Variants in KCNQ2 observed in about 807,000 individuals in gnomAD.
KCNQ2 encodes the protein potassium voltage-gated channel subfamily Q member 2, also known as potassium voltage-gated channel subfamily KQT member 2.
KCNQ2 carries 14 observed loss-of-function variants against 84.8 expected under a neutral mutation model. The observed-to-expected ratio is 0.17, with a 90% CI of 0.11 to 0.26. KCNQ2 has a LOEUF of 0.26. KCNQ2 is among the 10% of genes least tolerant of loss of function. The pLI, the probability that KCNQ2 is intolerant of heterozygous loss-of-function variation, is 1.00. For synonymous variants in KCNQ2, 599 were observed against 554.1 expected (o/e 1.08, Z -1.14); for missense variants, 788 against 1,254.0 (o/e 0.63, Z 5.61).
chr20:63,408,797 T>G lies in KCNQ2; in HGVS notation c.1764-261A>C, dbSNP rs2080026095. Among the ~76,000 whole-genome samples the G allele has an allele frequency of 6.6e-6, 1 of 152,052 alleles. No individual in the cohort carries two copies. Among genetic ancestry groups the G allele is most frequent in the Non-Finnish European group, 1.5e-5 (1 of 68,008 alleles). ...TTAGCGAGGAGTAAAGTAAGGACGCTCCCACCAGGGCCGAGTCGCCCGGCT... is the reference window on the plus strand; with the variant it reads ...TTAGCGAGGAGTAAAGTAAGGACGCGCCCACCAGGGCCGAGTCGCCCGGCT... On this transcript the variant is annotated intron_variant, in intron 15 of 16. Coordinates refer to ENST00000359125, the MANE Select transcript of KCNQ2 (RefSeq NM_172107.4). This position sits in a 1 kb window ranked among gnomAD's most constrained non-coding sequence, Gnocchi z 5.0.
Position 63,438,601 on chromosome 20 carries a change from TC to T in KCNQ2, c.1023+23del. On this transcript the variant is annotated intron_variant, in intron 7 of 16. Transcript: ENST00000359125. The surrounding 1 kb of genome is among the most constrained non-coding windows in gnomAD (Gnocchi z 5.1). ...GGGACCAGGACAAGGGCTGTGCTGG[TC>T]CCCGGGGGACACCTGGACTCACCTG... 6.2e-7 allele frequency: 1 copy of T among 1,602,860 alleles called. No homozygotes were observed. Among genetic ancestry groups the T allele is most frequent in the Non-Finnish European group, 8.5e-7 (1 of 1,170,524 alleles).
At chr20:63,409,228 ATG>A (rs751214498) in intron 15 of KCNQ2, among the ~76,000 whole-genome samples, 56 of 152,320 alleles carry the variant, frequency 3.7e-4, no homozygotes, top group Middle Eastern at 3.4e-3. Context: ...CTCGATGTGC[ATG>A]TGTGTGCCCT....
At chr20:63,426,987 G>T (rs190392379) in intron 10 of KCNQ2, among the ~76,000 whole-genome samples, 10 of 152,208 alleles carry the variant, frequency 6.6e-5, no homozygotes, top group Non-Finnish European at 1.5e-4. Context: ...TTGGGAGGCC[G>T]AGACGGGCAG....
intron 4 of KCNQ2, among the ~76,000 whole-genome samples, chr20:63,443,325 CCATCACCAT>C (rs2081299730): frequency 5.8e-5 from 1 of 17,356 alleles, no homozygotes; most frequent in Non-Finnish European, 1.4e-4. Flanking sequence ...ACCACCACCA[CCATCACCAT>C]CACCACCATC....
intron 12 of KCNQ2, among the ~76,000 whole-genome samples, chr20:63,417,234 A>G (rs2080324917): frequency 6.6e-6 from 1 of 152,170 alleles, no homozygotes; most frequent in Non-Finnish European, 1.5e-5. Context: ...GGAGAACCGG[A>G]CGGGGGCCAG....
chr20:63,450,534 G>T (rs111490017), intron 1 of KCNQ2, among the ~76,000 whole-genome samples: 202 of 1,216 alleles, frequency 0.17, no homozygotes, highest in South Asian at 0.2. Context: ...AGACCTGCTG[G>T]GGGGTGGGGG....
chr20:63,470,930 G>A (rs2082199893), intron 1 of KCNQ2: 1 of 152,230 alleles, frequency 6.6e-6, no homozygotes, highest in Non-Finnish European at 1.5e-5. Context: ...GGGAGTCCCA[G>A]GCTGGGTGCC....
chr20:63,445,349 C>A lies in KCNQ2; in HGVS notation c.403G>T (p.Val135Leu), dbSNP rs775649577. 1.2e-6 allele frequency: 2 copies of A among 1,613,736 alleles called. No individual in the cohort carries two copies. The highest frequency in any genetic ancestry group is 1.7e-6 in the Non-Finnish European group (2 of 1,179,928). Residue 135 changes from valine to leucine, a missense_variant, in exon 3 of 17, where the codon GTG becomes TTG. By Grantham distance (32) the Val-to-Leu change is conservative (BLOSUM62 1). Coordinates refer to ENST00000359125, the MANE Select transcript of KCNQ2 (RefSeq NM_172107.4). The stretch of plus-strand genomic sequence containing the variant: ...ACGAAGTACTCCACGCCAAACACCA[C>A]GATAGTCACGATTTCCTGCAGGGGA... Reference protein sequence around the residue: ...ALYILEIVTIVVFGVEYFVRI... With the variant: ...ALYILEIVTILVFGVEYFVRI...
At position 63,400,741 on chromosome 20, in the gene KCNQ2, G is replaced by C. The variant is rs2079792417; in HGVS notation, c.*5903C>G. ...GCACACGTGGGCCGTGTGGATCCCG[G>C]GCAGAGGGATGGCGTCCAGCGGGAC... On this transcript the variant is annotated 3_prime_UTR_variant, in exon 17 of 17. Coordinates refer to ENST00000359125, the MANE Select transcript of KCNQ2 (RefSeq NM_172107.4). The surrounding 1 kb of genome is among the most constrained non-coding windows in gnomAD (Gnocchi z 8.7). The C allele has an allele frequency of 7.5e-6, 3 of 398,498 alleles. No homozygotes were observed. The highest frequency in any genetic ancestry group is 1.3e-5 in the Non-Finnish European group (3 of 225,986). The allele number at this position is 398,498 out of a possible 1,614,324, so 24.7% of individuals were successfully genotyped here.
At chr20:63,449,809 G>A (rs541786629) in intron 1 of KCNQ2, among the ~76,000 whole-genome samples, 5 of 151,986 alleles carry the variant, frequency 3.3e-5, no homozygotes, top group African/African-American at 1.2e-4. Flanking sequence ...GAAGGACAGG[G>A]CCAGGCCATC....
chr20:63,457,313 C>G (rs1056481243), intron 1 of KCNQ2, among the ~76,000 whole-genome samples: 1 of 152,246 alleles, frequency 6.6e-6, no homozygotes, highest in Non-Finnish European at 1.5e-5. Context: ...GCAGCACCCA[C>G]CTGAGCCTAA....
At chr20:63,429,620 A>T (rs1489059709) in intron 9 of KCNQ2, among the ~76,000 whole-genome samples, 1 of 152,152 alleles carries the variant, frequency 6.6e-6, no homozygotes, top group East Asian at 1.9e-4. Context: ...CCAGATGGGC[A>T]TCCTTGCCAC....
rs764404303 is a variant in KCNQ2, at chr20:63,439,625, G to A, written c.900C>T (p.Ile300=). ...CAGGCAGCGCGAAGAAGGAGACACCGATGAGGGTGAAGGTTGCCGCAAGGA... is the reference window on the plus strand; with the variant it reads ...CAGGCAGCGCGAAGAAGGAGACACCAATGAGGGTGAAGGTTGCCGCAAGGA... ...GRLLAATFTL[I]GVSFFALPAG... is the part of the protein sequence containing the mutation. Residue 300 remains isoleucine (I), a synonymous_variant, in exon 6 of 17, where the codon ATC becomes ATT. Transcript: ENST00000359125. The A allele has an allele frequency of 2.3e-5, 37 of 1,613,384 alleles. No individual in the cohort carries two copies. Among genetic ancestry groups the A allele is most frequent in the Admixed American group, 2.0e-4 (12 of 60,010 alleles).
At chr20:63,456,568 T>C (rs1470069478) in intron 1 of KCNQ2, among the ~76,000 whole-genome samples, 5 of 152,036 alleles carry the variant, frequency 3.3e-5, no homozygotes, top group Admixed American at 6.5e-5. Flanking sequence ...AGAGCCAGGG[T>C]TGGGTCAGGA....
In KCNQ2 at chr20:63,402,494, G is replaced by A. The variant is rs892827705; in HGVS notation, c.*4150C>T. 6.6e-6 allele frequency: 1 copy of A among 152,394 alleles called. No individual in the cohort carries two copies. The highest frequency in any genetic ancestry group is 1.5e-5 in the Non-Finnish European group (1 of 68,144). The allele number at this position is 152,394 out of a possible 1,614,324, so 9.4% of individuals were successfully genotyped here. ...GAGCCCAGCTCTTTCTAGAGAGAAG[G>A]GGGTGTCCTTTATGGGGGTCCCTGA... On this transcript the variant is annotated 3_prime_UTR_variant, in exon 17 of 17. Coordinates refer to ENST00000359125, the MANE Select transcript of KCNQ2 (RefSeq NM_172107.4).
chr20:63,417,900 CCAGA>C (rs1722734030), intron 12 of KCNQ2, among the ~76,000 whole-genome samples: 1 of 152,178 alleles, frequency 6.6e-6, no homozygotes. Flanking sequence ...GTGTACTGCC[CCAGA>C]CAGAGCCGGC....
intron 1 of KCNQ2, among the ~76,000 whole-genome samples, chr20:63,450,781 C>A (rs908213543): frequency 6.6e-6 from 1 of 151,832 alleles, no homozygotes; most frequent in African/African-American, 2.4e-5. Flanking sequence ...GAAAAGACTC[C>A]ATTTTGTCTC....
chr20:63,443,105 T>C (rs200926212), intron 4 of KCNQ2, among the ~76,000 whole-genome samples: 156 of 10,844 alleles, frequency 0.014, 4 homozygotes, highest in East Asian at 0.094. Flanking sequence ...ACCATCACCA[T>C]CACCACCACC....
chr20:63,416,165 G>C (rs1379125282), intron 12 of KCNQ2, among the ~76,000 whole-genome samples: 2 of 152,202 alleles, frequency 1.3e-5, no homozygotes, highest in Non-Finnish European at 2.9e-5. Flanking sequence ...CCCAGGGCAG[G>C]GGGAGGCAGC....
Sources: allele counts gnomAD v4.1 joint callset (sites outside exome capture counted in the v4.1 genomes callset), GRCh38; gene constraint gnomAD v4.1.1; non-coding constraint Gnocchi (gnomAD v3.1); transcripts MANE v1.5; gene names NCBI Gene and HGNC (gene_info 2026-07-23, HGNC 2026-07-21).